OR14A2: variants seen among roughly 807,000 people sequenced by gnomAD.
The protein encoded by OR14A2 is olfactory receptor 14A2.
For missense variants in OR14A2, 237 were observed against 152.9 expected (o/e 1.55, Z -2.90); for synonymous variants, 114 against 58.6 (o/e 1.95, Z -4.32).
At chr1:247,740,068 C>T in the OR14A2 span, among the ~76,000 whole-genome samples, 1 of 152,180 alleles carries the variant, frequency 6.6e-6, no homozygotes, top group East Asian at 1.9e-4. Flanking sequence ...TTAAAGTTTT[C>T]CTATGACAAC....
upstream of OR14A2, among the ~76,000 whole-genome samples, chr1:247,728,765 A>G (rs564507967): frequency 1.3e-5 from 2 of 152,068 alleles, no homozygotes; most frequent in South Asian, 2.1e-4. Context: ...AATAATTCCA[A>G]TTTTTCAACC....
the OR14A2 span, among the ~76,000 whole-genome samples, chr1:247,733,726 C>G: frequency 1.3e-5 from 2 of 152,252 alleles, no homozygotes; most frequent in Admixed American, 1.3e-4. Context: ...CAACTAATAT[C>G]ATAGTTAATG....
chr1:247,734,917 T>C, the OR14A2 span, among the ~76,000 whole-genome samples: 3 of 152,056 alleles, frequency 2.0e-5, no homozygotes, highest in Non-Finnish European at 4.4e-5. Context: ...AGCGAGCAAA[T>C]AACTGGAAAT....
At chr1:247,745,953 A>G in the OR14A2 span, among the ~76,000 whole-genome samples, 18 of 152,170 alleles carry the variant, frequency 1.2e-4, no homozygotes, top group Non-Finnish European at 2.1e-4. Flanking sequence ...GATGGTCGTT[A>G]ATTGGGTTCT....
chr1:247,744,583 G>A, the OR14A2 span, among the ~76,000 whole-genome samples: 13 of 152,142 alleles, frequency 8.5e-5, no homozygotes, highest in African/African-American at 3.1e-4. This position sits in a 1 kb window ranked among gnomAD's most constrained non-coding sequence, Gnocchi z 4.3. Context: ...CAAAGCAGAT[G>A]CCGAATCAAA....
the OR14A2 span, among the ~76,000 whole-genome samples, chr1:247,739,907 C>T: frequency 6.6e-6 from 1 of 152,004 alleles, no homozygotes; most frequent in Non-Finnish European, 1.5e-5. Context: ...GACGGAGTTC[C>T]ACCATGTTGG....
the OR14A2 span, among the ~76,000 whole-genome samples, chr1:247,736,063 T>C: frequency 0.092 from 13,869 of 151,320 alleles, 812 homozygotes; most frequent in Non-Finnish European, 0.13. Flanking sequence ...GGGCTGAAGA[T>C]TCCATATAGC....
chr1:247,724,112 A>T (rs374329114), upstream of OR14A2: 61 of 627,130 alleles, frequency 9.7e-5, no homozygotes, highest in African/African-American at 9.6e-4. Context: ...GAAAAAAATT[A>T]AAAAATTAGT....
the OR14A2 span, among the ~76,000 whole-genome samples, chr1:247,733,234 A>G: frequency 6.6e-6 from 1 of 152,102 alleles, no homozygotes; most frequent in Admixed American, 6.6e-5. Flanking sequence ...TTTAAGGATT[A>G]ATTTCCATAA....
At chr1:247,726,822 T>C (rs1660379492), upstream of OR14A2, among the ~76,000 whole-genome samples, 1 of 116,854 alleles carries the variant, frequency 8.6e-6, no homozygotes, top group South Asian at 3.3e-4. Context: ...TTCTCAGGTT[T>C]GTCAAAGATC....
chr1:247,730,962 A>G, the OR14A2 span, among the ~76,000 whole-genome samples: 4 of 152,140 alleles, frequency 2.6e-5, no homozygotes, highest in African/African-American at 9.7e-5. Context: ...ACACTCAGAA[A>G]TAATGTTTTA....
At chr1:247,731,593 C>T in the OR14A2 span, among the ~76,000 whole-genome samples, 7 of 151,614 alleles carry the variant, frequency 4.6e-5, no homozygotes, top group Non-Finnish European at 8.8e-5. Flanking sequence ...CCTTCCAATT[C>T]ATCAGCTTAG....
the OR14A2 span, chr1:247,746,571 G>A: frequency 6.6e-6 from 1 of 152,284 alleles, no homozygotes; most frequent in South Asian, 2.1e-4. Context: ...TATGGAATGA[G>A]GCCACCTGTT....
chr1:247,725,063 GA>G (rs200176079), upstream of OR14A2, among the ~76,000 whole-genome samples: 412 of 151,940 alleles, frequency 2.7e-3, 3 homozygotes, highest in African/African-American at 9.7e-3. Flanking sequence ...GTGTTGATGG[GA>G]GGAGGCAGAA....
the OR14A2 span, among the ~76,000 whole-genome samples, chr1:247,732,566 C>T: frequency 4.6e-5 from 7 of 152,242 alleles, no homozygotes; most frequent in African/African-American, 1.7e-4. Context: ...CCGAGCATGG[C>T]CTTACCAAAT....
the OR14A2 span, among the ~76,000 whole-genome samples, chr1:247,740,345 T>A: frequency 6.6e-6 from 1 of 152,236 alleles, no homozygotes; most frequent in African/African-American, 2.4e-5. Flanking sequence ...TAACTTAAAG[T>A]TATGATTTCA....
At chr1:247,739,106 G>A in the OR14A2 span, 5 of 780,754 alleles carry the variant, frequency 6.4e-6, no homozygotes, top group Admixed American at 3.4e-5. Flanking sequence ...CATTCTCTCT[G>A]AATTTTTATG....
the OR14A2 span, among the ~76,000 whole-genome samples, chr1:247,732,364 A>C: frequency 6.6e-6 from 1 of 152,126 alleles, no homozygotes; most frequent in East Asian, 1.9e-4. Context: ...AGGAAACTAA[A>C]ATGGTCAAGC....
upstream of OR14A2, among the ~76,000 whole-genome samples, chr1:247,724,594 A>C (rs1242657498): frequency 6.6e-6 from 1 of 152,166 alleles, no homozygotes; most frequent in East Asian, 1.9e-4. Flanking sequence ...GATAGTAAGC[A>C]AGGGAAAATA....
Sources: allele counts gnomAD v4.1 joint callset (sites outside exome capture counted in the v4.1 genomes callset), GRCh38; gene constraint gnomAD v4.1.1; non-coding constraint Gnocchi (gnomAD v3.1); transcripts MANE v1.5; gene names NCBI Gene and HGNC (gene_info 2026-07-23, HGNC 2026-07-21).